PCDHA6: variants seen among roughly 807,000 people sequenced by gnomAD.
PCDHA6 encodes the protein protocadherin alpha 6.
A neutral mutation model predicts 60.3 loss-of-function variants in PCDHA6; 55 were observed. The observed-to-expected ratio is 0.91, with a 90% CI of 0.73 to 1.14. The LOEUF is 1.14. PCDHA6 is among the 50% of genes most tolerant of loss of function. PCDHA6 has a pLI of 0.00. For synonymous variants in PCDHA6, 652 were observed against 557.9 expected, an observed-to-expected ratio of 1.17 and a Z score of -2.38; for missense variants, 1,327 against 1,256.5, an observed-to-expected ratio of 1.06 and a Z score of -0.85.
intron 1 of PCDHA6, chr5:140,870,169 C>T: frequency 6.2e-7 from 1 of 1,614,140 alleles, no homozygotes; most frequent in Non-Finnish European, 8.5e-7. Flanking sequence ...TTCCTTGTCC[C>T]TCCCAGTACG....
In PCDHA6 at chr5:141,011,040, A is replaced by G. The variant is rs1467029720; in HGVS notation, c.*1103A>G. On this transcript the variant is annotated 3_prime_UTR_variant, in exon 4 of 4. Transcript: ENST00000529310. ...AATCACAGCTTTACTCTTTCAGGTCACTCTGGGGCTGCCTCTTGCATGTAT... is the reference window on the plus strand; with the variant it reads ...AATCACAGCTTTACTCTTTCAGGTCGCTCTGGGGCTGCCTCTTGCATGTAT... 1 of 153,602 alleles carries G rather than the reference A, an allele frequency of 6.5e-6. No homozygotes were observed. The highest frequency in any genetic ancestry group is 2.4e-5 in the African/African-American group (1 of 41,374). The allele number at this position is 153,602 out of a possible 1,614,324, so 9.5% of individuals were successfully genotyped here.
intron 1 of PCDHA6, chr5:140,836,268 G>A: frequency 6.2e-7 from 1 of 1,613,816 alleles, no homozygotes; most frequent in African/African-American, 1.3e-5. Flanking sequence ...GCTGTACACT[G>A]GTGAGATCAG....
chr5:140,851,042 C>A lies in PCDHA6; in HGVS notation c.2394+20557C>A, dbSNP rs2150268615. ...TAAAGTAAACCCCTTAACATTGGAG[C>A]CGACTTTGTCTTGACTTCTAGTGAG... On this transcript the variant is annotated intron_variant, in intron 1 of 3. Coordinates refer to ENST00000529310, the MANE Select transcript of PCDHA6 (RefSeq NM_018909.4). The A allele has an allele frequency of 2.2e-6, 3 of 1,392,218 alleles. No individual in the cohort carries two copies. The East Asian group carries it at 7.5e-5, about 35-fold the overall frequency. The allele number at this position is 1,392,218 out of a possible 1,614,324, so 86.2% of individuals were successfully genotyped here.
At chr5:140,924,312 T>G (rs752006188) in intron 1 of PCDHA6, among the ~76,000 whole-genome samples, 84 of 152,338 alleles carry the variant, frequency 5.5e-4, no homozygotes, top group Non-Finnish European at 7.9e-4. Context: ...TCCTTTAATT[T>G]TATCTGAGAC....
At chr5:140,891,586 A>C (rs1296110221) in intron 1 of PCDHA6, among the ~76,000 whole-genome samples, 1 of 151,924 alleles carries the variant, frequency 6.6e-6, no homozygotes, top group Non-Finnish European at 1.5e-5. Flanking sequence ...TAATCTTATT[A>C]CTCTATCCCA....
intron 1 of PCDHA6, among the ~76,000 whole-genome samples, chr5:140,917,639 C>T (rs151007423): frequency 1.6e-4 from 25 of 152,268 alleles, no homozygotes; most frequent in African/African-American, 5.8e-4. Flanking sequence ...AGCTAGTTAT[C>T]CCAGCAATAT....
At chr5:140,977,815 G>C (rs2096776039) in intron 1 of PCDHA6, among the ~76,000 whole-genome samples, 1 of 152,208 alleles carries the variant, frequency 6.6e-6, no homozygotes, top group Non-Finnish European at 1.5e-5. Context: ...ATTATTGACA[G>C]TTTTGAATGG....
Position 140,877,109 on chromosome 5 carries a change from G to A in PCDHA6, c.2394+46624G>A, listed in dbSNP as rs370191624. ...CGCGACGCCGGCGTGCCGCCTCTGG[G>A]CAGCAACGTGACGCTGCAGGTGTTC... is the stretch of plus-strand genomic sequence containing the variant. On this transcript the variant is annotated intron_variant, in intron 1 of 3. Transcript: ENST00000529310. The A allele has an allele frequency of 9.3e-6, 15 of 1,613,472 alleles. No individual in the cohort carries two copies. In the African/African-American group the frequency reaches 1.9e-4, roughly 20 times the overall value.
rs373518493 is a variant in PCDHA6, at chr5:140,883,950, A to T, written c.2394+53465A>T. 129 of 1,613,288 alleles carry T rather than the reference A, an allele frequency of 8.0e-5. 1 individual carries two copies. In the East Asian group the frequency reaches 1.2e-3, roughly 15 times the overall value. Reference sequence around the variant, plus strand: ...GTGTTCGTGCTGGACGAGAACGACAACGCTCCGGCGCTGCTGACGCCCGGG... The same window carrying T: ...GTGTTCGTGCTGGACGAGAACGACATCGCTCCGGCGCTGCTGACGCCCGGG... On this transcript the variant is annotated intron_variant, in intron 1 of 3. Coordinates refer to ENST00000529310, the MANE Select transcript of PCDHA6 (RefSeq NM_018909.4).
At chr5:140,905,144 A>G (rs2071622994) in intron 1 of PCDHA6, among the ~76,000 whole-genome samples, 2 of 152,130 alleles carry the variant, frequency 1.3e-5, no homozygotes, top group African/African-American at 2.4e-5. Context: ...TTCTGCTGTT[A>G]TATTTTAGAA....
In PCDHA6 at chr5:140,904,839, ATCT is replaced by A. The variant is rs1480252178; in HGVS notation, c.2395-74103_2395-74101del. 4.1e-4 allele frequency among the ~76,000 whole-genome samples: 62 copies of A among 152,040 alleles called. No individual in the cohort carries two copies. The East Asian group carries it at 6.4e-3, about 16-fold the overall frequency. Reference sequence around the variant, plus strand: ...TTGAGCATTTTTTTATATGTTTCATATCTTCTTCTGAGAATTGTCTGTTTATGT... The same window carrying A: ...TTGAGCATTTTTTTATATGTTTCATATCTTCTGAGAATTGTCTGTTTATGT... On this transcript the variant is annotated intron_variant, in intron 1 of 3. Coordinates refer to ENST00000529310, the MANE Select transcript of PCDHA6 (RefSeq NM_018909.4).
intron 1 of PCDHA6, among the ~76,000 whole-genome samples, chr5:140,906,762 G>GAGAC (rs1413130419): frequency 6.6e-6 from 1 of 152,218 alleles, no homozygotes; most frequent in Non-Finnish European, 1.5e-5. Context: ...GTAATACTAA[G>GAGAC]AGACACCCTA....
In PCDHA6 at chr5:140,927,075, C is replaced by T. The variant is rs1304732952; in HGVS notation, c.2395-51874C>T. On this transcript the variant is annotated intron_variant, in intron 1 of 3. Transcript: ENST00000529310. ...GGAACTTTCGCTTCCTTTCCAGCCA[C>T]CGCGAGCTCTACTTCGGGGTGGATC... 2.5e-6 allele frequency: 4 copies of T among 1,611,188 alleles called. No homozygotes were observed. In the Admixed American group the frequency reaches 5.0e-5, roughly 20 times the overall value.
At chr5:140,983,299 A>T (rs1554245269) in intron 3 of PCDHA6, among the ~76,000 whole-genome samples, 1 of 152,186 alleles carries the variant, frequency 6.6e-6, no homozygotes. Flanking sequence ...GCTTAAACTC[A>T]CATTTGCTTG....
At chr5:140,945,158 G>C in intron 1 of PCDHA6, among the ~76,000 whole-genome samples, 1 of 151,932 alleles carries the variant, frequency 6.6e-6, no homozygotes, top group Non-Finnish European at 1.5e-5. Flanking sequence ...ATACACTATT[G>C]AACTATCTGA....
chr5:140,882,392 G>T (rs781850899), intron 1 of PCDHA6: 5 of 1,614,058 alleles, frequency 3.1e-6, no homozygotes, highest in Middle Eastern at 1.6e-4. Flanking sequence ...AGCAAAACAC[G>T]GCACCTTCGT....
intron 1 of PCDHA6, chr5:140,968,445 G>C (rs782157846): frequency 1.2e-6 from 2 of 1,613,954 alleles, no homozygotes; most frequent in African/African-American, 2.7e-5. Context: ...CCACCACTGA[G>C]CAGCACTGTG....
intron 1 of PCDHA6, chr5:140,850,311 T>G: frequency 1.9e-6 from 3 of 1,597,000 alleles, no homozygotes; most frequent in Non-Finnish European, 2.6e-6. Context: ...CTACAACGCG[T>G]GGCTTTCATA....
chr5:140,873,537 A>G, intron 1 of PCDHA6, among the ~76,000 whole-genome samples: 1 of 152,274 alleles, frequency 6.6e-6, no homozygotes, highest in Admixed American at 6.5e-5. Flanking sequence ...TCTATGGTAT[A>G]AAATTATAAT....
Sources: allele counts gnomAD v4.1 joint callset (sites outside exome capture counted in the v4.1 genomes callset), GRCh38; gene constraint gnomAD v4.1.1; transcripts MANE v1.5; gene names NCBI Gene and HGNC (gene_info 2026-07-23, HGNC 2026-07-21).